Variants in RAI14 observed in about 807,000 individuals in gnomAD.
RAI14 encodes ankycorbin.
In RAI14, 45 loss-of-function variants were observed where a neutral mutation model predicts 115.4. The ratio of observed to expected loss-of-function variants is 0.39; its 90% CI spans 0.31 to 0.50. The LOEUF (loss-of-function observed/expected upper bound fraction) is 0.50. RAI14 is among the 20% of genes least tolerant of loss of function. RAI14 has a pLI of 0.85. For synonymous variants in RAI14, 371 were observed against 415.4 expected (o/e 0.89, Z 1.30); for missense variants, 939 against 1,131.2 (o/e 0.83, Z 2.44).
rs1276743403 is a variant in RAI14, at chr5:34,698,967, G to A, written c.36+12012G>A. On this transcript the variant is annotated intron_variant, in intron 2 of 17. Coordinates refer to ENST00000265109, the MANE Select transcript of RAI14 (RefSeq NM_015577.3). ...CTAGATTCCCTGCTGATACACCAAG[G>A]AAAGTCTCTCCCTTGCACTGCCACA... 2.6e-5 allele frequency among the ~76,000 whole-genome samples: 4 copies of A among 152,076 alleles called. No homozygotes were observed. In the East Asian group the frequency reaches 7.7e-4, roughly 29 times the overall value.
At chr5:34,776,991 A>G (rs1750939352) in intron 3 of RAI14, among the ~76,000 whole-genome samples, 1 of 152,100 alleles carries the variant, frequency 6.6e-6, no homozygotes, top group South Asian at 2.1e-4. Context: ...CAACATGGTG[A>G]AACCCCATCT....
rs368274931 is a variant in RAI14 at position 34,814,552 on chromosome 5, A to C, written c.853-31A>C. ...AGAGGAGTTTGAAGATACATTCTTT[A>C]TTAATGATTTTCATTTTGTTTCTTT... is the stretch of plus-strand genomic sequence containing the variant. On this transcript the variant is annotated intron_variant, in intron 11 of 17. Transcript: ENST00000265109. 43 of 1,525,908 alleles carry C rather than the reference A, an allele frequency of 2.8e-5. No individual in the cohort carries two copies. The African/African-American group carries it at 4.5e-4, about 16-fold the overall frequency. 94.5% of individuals were successfully genotyped at this position (1,525,908 alleles called of 1,614,324 possible). A position where few individuals can be genotyped will look rare whatever the true frequency, so the allele number is the denominator to read the frequency against.
intron 4 of RAI14, among the ~76,000 whole-genome samples, chr5:34,796,388 ACT>A (rs1205874668): frequency 7.5e-6 from 1 of 132,708 alleles, no homozygotes; most frequent in African/African-American, 3.0e-5. Flanking sequence ...ACAGAGCGAG[ACT>A]CTGTCTCAAA....
At chr5:34,812,288 T>C (rs1036089497) in intron 10 of RAI14, 80 bp downstream of exon 10, 2 of 1,229,958 alleles carry the variant, frequency 1.6e-6, no homozygotes, top group Non-Finnish European at 2.3e-6. Flanking sequence ...ACCACTCTGG[T>C]CCACTAGTAA....
chr5:34,670,015 A>G (rs914268614), intron 1 of RAI14, among the ~76,000 whole-genome samples: 1 of 152,224 alleles, frequency 6.6e-6, no homozygotes, highest in African/African-American at 2.4e-5. Flanking sequence ...TATGCTCTAC[A>G]TGTGAGAACA....
chr5:34,686,847 A>C, intron 1 of RAI14, 25 bp from the exon 2 acceptor site: 3 of 1,472,802 alleles, frequency 2.0e-6, no homozygotes, highest in Non-Finnish European at 2.8e-6. Context: ...GGAAACCTAC[A>C]TATGTCCTTT....
chr5:34,665,708 AG>A (rs1743151270), intron 1 of RAI14, among the ~76,000 whole-genome samples: 1 of 152,062 alleles, frequency 6.6e-6, no homozygotes, highest in Non-Finnish European at 1.5e-5. Context: ...CCTTGCCCTA[AG>A]GCCATTTATA....
At chr5:34,810,244 G>A (rs1426019296) in intron 7 of RAI14, among the ~76,000 whole-genome samples, 2 of 151,336 alleles carry the variant, frequency 1.3e-5, no homozygotes, top group Non-Finnish European at 2.9e-5. Flanking sequence ...GTATATTCCA[G>A]AAAAAAAACA....
rs114157087 is a variant in RAI14 at position 34,822,976 on chromosome 5, G to A, written c.1134G>A (p.Ala378=). The part of the protein sequence containing the change: ...DKLQAKSPKE[A]EADLSFDSYH... ...CCTAGGCCAAATCACCCAAGGAGGCGGAAGCAGACCTAAGCTTTGACTCAT... is the reference window on the plus strand; with the variant it reads ...CCTAGGCCAAATCACCCAAGGAGGCAGAAGCAGACCTAAGCTTTGACTCAT... The change falls in exon 15 of 18, where the codon GCG becomes GCA. Residue 378 remains alanine, a synonymous_variant. Transcript: ENST00000265109. The A allele has an allele frequency of 9.6e-4, 1,554 of 1,612,076 alleles. 12 individuals are homozygous for A. The African/African-American group carries it at 0.019, about 20-fold the overall frequency.
chr5:34,742,584 A>G (rs1745647979), intron 2 of RAI14, among the ~76,000 whole-genome samples: 1 of 152,180 alleles, frequency 6.6e-6, no homozygotes, highest in African/African-American at 2.4e-5. Flanking sequence ...AGGTAGATTT[A>G]AAAACATTTG....
At chr5:34,801,118 G>A (rs752443762) in intron 4 of RAI14, among the ~76,000 whole-genome samples, 6 of 152,112 alleles carry the variant, frequency 3.9e-5, no homozygotes, top group Non-Finnish European at 7.3e-5. Flanking sequence ...AGGAGGAGGA[G>A]GAAGAGAAAA....
chr5:34,826,876 C>T (rs537347333), intron 16 of RAI14, among the ~76,000 whole-genome samples: 82 of 152,290 alleles, frequency 5.4e-4, no homozygotes, highest in Middle Eastern at 6.8e-3. Context: ...TCTGAAGCTG[C>T]TTCTTGGCCC....
intron 3 of RAI14, among the ~76,000 whole-genome samples, chr5:34,790,483 ACT>A (rs1752791072): frequency 6.6e-6 from 1 of 152,040 alleles, no homozygotes; most frequent in Admixed American, 6.6e-5. Context: ...CATTGAGCAA[ACT>A]CTTTCAGGTT....
In RAI14 at chr5:34,777,707, A is replaced by T. The variant is rs747326945; in HGVS notation, c.168-18232A>T. On this transcript the variant is annotated intron_variant, in intron 3 of 17. Coordinates refer to ENST00000265109, the MANE Select transcript of RAI14 (RefSeq NM_015577.3). ...GGCAGGAGAATCGCTTGAACCCGGG[A>T]GGCAGAGATGGCAGTGAGCCGAGAT... Among the ~76,000 whole-genome samples the T allele has an allele frequency of 3.8e-4, 58 of 152,144 alleles. 1 individual carries two copies. The highest frequency in any genetic ancestry group is 2.6e-3 in the Admixed American group (40 of 15,270).
Position 34,686,946 on chromosome 5 carries a change from G to A in RAI14, c.27G>A (p.Arg9=). The A allele has an allele frequency of 6.2e-7, 1 of 1,613,804 alleles. No homozygotes were observed. Among genetic ancestry groups the A allele is most frequent in the South Asian group, 1.1e-5 (1 of 90,932 alleles). Residue 9 remains arginine, a synonymous_variant, in exon 2 of 18, where the codon AGG becomes AGA. Coordinates refer to ENST00000265109, the MANE Select transcript of RAI14 (RefSeq NM_015577.3). The stretch of plus-strand genomic sequence containing the variant: ...TGAAGAGCTTGAAAGCGAAGTTCAG[G>A]AAGAGTGACGTGAGTATGCGGTGAC... MKSLKAKF[R]KSDTNEWNKN...
intron 2 of RAI14, among the ~76,000 whole-genome samples, chr5:34,736,532 A>G (rs1744901216): frequency 6.6e-6 from 1 of 151,978 alleles, no homozygotes; most frequent in Non-Finnish European, 1.5e-5. Flanking sequence ...AAATTAGAGC[A>G]TTTTCTTAAA....
intron 12 of RAI14, among the ~76,000 whole-genome samples, chr5:34,817,944 G>C (rs1262272521): frequency 1.3e-5 from 2 of 152,118 alleles, no homozygotes; most frequent in Non-Finnish European, 2.9e-5. Flanking sequence ...TTGTAAACTT[G>C]GCTGGATGCA....
chr5:34,750,985 G>A (rs1034512850), intron 2 of RAI14, among the ~76,000 whole-genome samples: 1 of 147,894 alleles, frequency 6.8e-6, no homozygotes, highest in African/African-American at 2.5e-5. Flanking sequence ...CCCGAGTAGC[G>A]GGGATTACAG....
intron 3 of RAI14, among the ~76,000 whole-genome samples, chr5:34,784,779 C>G (rs896385964): frequency 6.6e-6 from 1 of 152,224 alleles, no homozygotes; most frequent in African/African-American, 2.4e-5. Context: ...AGCTCTGGCT[C>G]AGCTTCTTTT....
Sources: allele counts gnomAD v4.1 joint callset (sites outside exome capture counted in the v4.1 genomes callset), GRCh38; gene constraint gnomAD v4.1.1; transcripts MANE v1.5; gene names NCBI Gene and HGNC (gene_info 2026-07-23, HGNC 2026-07-21).